SEC14L1: variants seen among roughly 807,000 people sequenced by gnomAD.
SEC14L1 encodes the protein SEC14 like lipid binding 1.
A neutral mutation model predicts 85.3 loss-of-function variants in SEC14L1; 48 were observed. The ratio of observed to expected loss-of-function variants is 0.56; its 90% confidence interval spans 0.45 to 0.72. The LOEUF is 0.72. SEC14L1 is among the 30% of genes least tolerant of loss of function. The pLI is 0.00. For synonymous variants in SEC14L1, 391 were observed against 355.5 expected (o/e 1.10, Z -1.12); for missense variants, 682 against 921.4 (o/e 0.74, Z 3.36).
intron 3 of SEC14L1, among the ~76,000 whole-genome samples, chr17:77,113,136 A>G (rs1246016057): frequency 6.6e-6 from 1 of 152,120 alleles, no homozygotes; most frequent in Non-Finnish European, 1.5e-5. Context: ...TCCAGCCCAG[A>G]CATTAGAGCA....
At chr17:77,184,880 G>A (rs1378734537) in intron 3 of SEC14L1, among the ~76,000 whole-genome samples, 2 of 152,166 alleles carry the variant, frequency 1.3e-5, no homozygotes, top group African/African-American at 4.8e-5. Flanking sequence ...AGAAACTCGC[G>A]TGGCTTGTAG....
At chr17:77,159,877 A>C (rs187449229) in intron 3 of SEC14L1, among the ~76,000 whole-genome samples, 3 of 152,300 alleles carry the variant, frequency 2.0e-5, no homozygotes, top group Non-Finnish European at 4.4e-5. Context: ...TGACCCACTT[A>C]AATAAAAGGG....
intron 3 of SEC14L1, among the ~76,000 whole-genome samples, chr17:77,126,898 C>T (rs1051667078): frequency 1.3e-5 from 2 of 152,098 alleles, no homozygotes; most frequent in African/African-American, 4.8e-5. Flanking sequence ...CTTGACGAGG[C>T]TGATACCACT....
rs1331200549 is a variant in SEC14L1 at position 77,216,736 on chromosome 17, A to G, written c.*2713A>G. ...CCAAAGACTGTAGTGCATCTTGAAG[A>G]GCTCAAAGCACATGACCGCACAAAT... On this transcript the variant is annotated 3_prime_UTR_variant, in exon 17 of 17. Coordinates refer to ENST00000436233, the MANE Select transcript of SEC14L1 (RefSeq NM_001143998.2). The G allele has an allele frequency of 1.7e-6, 2 of 1,178,702 alleles. No individual in the cohort carries two copies. Among genetic ancestry groups the G allele is most frequent in the Non-Finnish European group, 2.4e-6 (2 of 827,204 alleles). 73.0% of individuals were successfully genotyped at this position (1,178,702 alleles called of 1,614,324 possible).
At position 77,216,601 on chromosome 17, in the gene SEC14L1, T is replaced by C. The variant is rs1317522569; in HGVS notation, c.*2578T>C. On this transcript the variant is annotated 3_prime_UTR_variant, in exon 17 of 17. Coordinates refer to ENST00000436233, the MANE Select transcript of SEC14L1 (RefSeq NM_001143998.2). ...AAAATGCTTCACTCAACAGTCCTCA[T>C]GTGCCCAGAGATGTTTATAGAACTG... is the stretch of plus-strand genomic sequence containing the variant. 3.7e-6 allele frequency: 6 copies of C among 1,613,330 alleles called. No homozygotes were observed. Among genetic ancestry groups the C allele is most frequent in the Non-Finnish European group, 5.1e-6 (6 of 1,179,442 alleles).
At chr17:77,178,813 G>A (rs757059983) in intron 3 of SEC14L1, among the ~76,000 whole-genome samples, 1 of 152,206 alleles carries the variant, frequency 6.6e-6, no homozygotes, top group African/African-American at 2.4e-5. Context: ...GCGTGGCCAC[G>A]TTCTCAGCAG....
chr17:77,153,529 CCTT>C (rs1973665458), intron 3 of SEC14L1, among the ~76,000 whole-genome samples: 1 of 152,108 alleles, frequency 6.6e-6, no homozygotes, highest in African/African-American at 2.4e-5. Context: ...TATGGTTACT[CCTT>C]ATTTATTTAT....
chr17:77,180,870 A>G lies in SEC14L1; in HGVS notation c.64-9933A>G, dbSNP rs1344070560. 3.9e-5 allele frequency among the ~76,000 whole-genome samples: 6 copies of G among 152,300 alleles called. No individual in the cohort carries two copies. The East Asian group carries it at 1.2e-3, about 29-fold the overall frequency. ...TAGGTATGAACACATATTCACAAAT[A>G]GCATGCAATTTGAAACCTCGGTTTA... is the stretch of plus-strand genomic sequence containing the variant. On this transcript the variant is annotated intron_variant, in intron 3 of 16. Coordinates refer to ENST00000436233, the MANE Select transcript of SEC14L1 (RefSeq NM_001143998.2).
Position 77,206,825 on chromosome 17 carries a change from A to G in SEC14L1, c.1439A>G (p.Lys480Arg). ...GPGGLLDYID[K>R]EIIPDFLSGE... Reference sequence around the variant, plus strand: ...GGAGGCCTGCTGGATTACATCGACAAAGAGATTATTCCAGATTTCCTGAGT... The same window carrying G: ...GGAGGCCTGCTGGATTACATCGACAGAGAGATTATTCCAGATTTCCTGAGT... Residue 480 changes from lysine (K) to arginine (R), a missense_variant, in exon 13 of 17, where the codon AAA becomes AGA. Physicochemically the swap from Lys to Arg is conservative, Grantham distance 26 (BLOSUM62 2). Around this residue, in one of 3 missense-constraint regions of SEC14L1, gnomAD observed 420 missense variants for 619.5 expected, o/e 0.68. Coordinates refer to ENST00000436233, the MANE Select transcript of SEC14L1 (RefSeq NM_001143998.2). This position sits in a 1 kb window ranked among gnomAD's most constrained non-coding sequence, Gnocchi z 4.3. The G allele has an allele frequency of 6.2e-7, 1 of 1,611,022 alleles. No homozygotes were observed. Among genetic ancestry groups the G allele is most frequent in the Non-Finnish European group, 8.5e-7 (1 of 1,179,124 alleles).
intron 3 of SEC14L1, among the ~76,000 whole-genome samples, chr17:77,127,140 C>CACCCCCA (rs1360921955): frequency 2.0e-5 from 3 of 151,808 alleles, no homozygotes; most frequent in Admixed American, 2.0e-4. Flanking sequence ...CCTCACCCCT[C>CACCCCCA]ACCCCCAACC....
intron 10 of SEC14L1, among the ~76,000 whole-genome samples, chr17:77,204,446 C>G (rs907461959): frequency 4.6e-5 from 7 of 151,258 alleles, no homozygotes; most frequent in African/African-American, 1.7e-4. Context: ...TCTCGAACTC[C>G]TGATCTCAGG....
chr17:77,195,431 G>T (rs1175299623), intron 7 of SEC14L1, among the ~76,000 whole-genome samples: 2 of 151,970 alleles, frequency 1.3e-5, no homozygotes, highest in African/African-American at 4.8e-5. Context: ...TGATTTTCCT[G>T]CCTCAGCCTC....
In SEC14L1 at chr17:77,216,738, C is replaced by A; in HGVS notation, c.*2715C>A. On this transcript the variant is annotated 3_prime_UTR_variant, in exon 17 of 17. Coordinates refer to ENST00000436233, the MANE Select transcript of SEC14L1 (RefSeq NM_001143998.2). ...AAAGACTGTAGTGCATCTTGAAGAG[C>A]TCAAAGCACATGACCGCACAAATGC... is the stretch of plus-strand genomic sequence containing the variant. 2.6e-6 allele frequency: 3 copies of A among 1,167,730 alleles called. No individual in the cohort carries two copies. Among genetic ancestry groups the A allele is most frequent in the Non-Finnish European group, 3.7e-6 (3 of 817,718 alleles). 72.3% of individuals were successfully genotyped at this position (1,167,730 alleles called of 1,614,324 possible).
At position 77,128,413 on chromosome 17, in the gene SEC14L1, T is replaced by A. The variant is rs12103499; in HGVS notation, c.-135-14233T>A. 6.4e-3 allele frequency among the ~76,000 whole-genome samples: 142 copies of A among 22,238 alleles called. 10 individuals are homozygous for A. Among genetic ancestry groups the A allele is most frequent in the Non-Finnish European group, 8.6e-3 (74 of 8,624 alleles). The allele number at this position is 22,238 out of a possible 152,430, so 14.6% of individuals were successfully genotyped here. A position where few individuals can be genotyped will look rare whatever the true frequency, so the allele number is the denominator to read the frequency against. ...GCATTTTATTTTATTTTATTTTATT[T>A]TATTTTATTTTATTTTATTTTATTT... is the stretch of plus-strand genomic sequence containing the variant. On this transcript the variant is annotated intron_variant, in intron 3 of 19. Coordinates refer to the SEC14L1 transcript ENST00000392476.
At chr17:77,163,027 T>G (rs1974136764) in intron 3 of SEC14L1, among the ~76,000 whole-genome samples, 2 of 152,166 alleles carry the variant, frequency 1.3e-5, no homozygotes, top group African/African-American at 2.4e-5. Flanking sequence ...GAGTTCGGTA[T>G]GCCATCGGCC....
At chr17:77,190,375 G>T (rs1318378638) in intron 3 of SEC14L1, among the ~76,000 whole-genome samples, 1 of 152,070 alleles carries the variant, frequency 6.6e-6, no homozygotes, top group Non-Finnish European at 1.5e-5. Context: ...CTGTATGTCA[G>T]TTACCCCTCT....
upstream of SEC14L1, among the ~76,000 whole-genome samples, chr17:77,136,304 A>T (rs1598276918): frequency 2.1e-4 from 25 of 117,522 alleles, no homozygotes; most frequent in African/African-American, 3.0e-4. Context: ...TCTCATCCTC[A>T]CCCTGCCCTG....
chr17:77,104,661 G>A (rs1196990371), intron 3 of SEC14L1, among the ~76,000 whole-genome samples: 1 of 150,760 alleles, frequency 6.6e-6, no homozygotes, highest in Non-Finnish European at 1.5e-5. Context: ...CCTGGTGGCA[G>A]GCACCTGGAA....
At position 77,203,630 on chromosome 17, in the gene SEC14L1, C is replaced by T. The variant is rs777121236; in HGVS notation, c.1070C>T (p.Ala357Val). Residue 357 changes from alanine (A) to valine (V), a missense_variant, in exon 10 of 17, where the codon GCG (alanine) becomes GTG (valine). Ala to Val is a moderately conservative substitution (Grantham distance 64). Coordinates refer to ENST00000436233, the MANE Select transcript of SEC14L1 (RefSeq NM_001143998.2). ...ATGGACACCAAAGGCTTGGTGAGAG[C>T]GCTCGGGGAGGAAGCCCTGCTGAGA... ...GQMDTKGLVR[A>V]LGEEALLRYV... The T allele has an allele frequency of 8.1e-6, 13 of 1,613,608 alleles. No individual in the cohort carries two copies. The highest frequency in any genetic ancestry group is 2.2e-5 in the South Asian group (2 of 90,994).
Sources: gnomAD v4.1 joint callset for allele counts (sites outside exome capture counted in the v4.1 genomes callset) on GRCh38, gnomAD v4.1.1 for gene constraint, gnomAD v4.1.1 regional missense constraint, Gnocchi (gnomAD v3.1) non-coding constraint, MANE v1.5 for transcripts, NCBI Gene and HGNC (gene_info 2026-07-23, HGNC 2026-07-21) for gene names.